The following ZNF91 variants were observed in gnomAD, a reference collection of about 807,000 sequenced individuals.
The protein encoded by ZNF91 is zinc finger protein 91, also known as zinc finger protein 91 (HPF7, HTF10).
In ZNF91, 7 loss-of-function variants were observed where a neutral mutation model predicts 12.6. That is an observed-to-expected ratio of 0.55 (90% CI 0.31 to 1.04). The LOEUF (loss-of-function observed/expected upper bound fraction) is 1.04, where lower values mean the gene tolerates loss of function less well. Among genes scored for constraint, ZNF91 ranks in the 50% least tolerant of loss-of-function variants. The pLI is 0.05. For missense variants in ZNF91, 1,217 were observed against 1,385.4 expected, an observed-to-expected ratio of 0.88 and a Z score of 1.93; for synonymous variants, 453 against 462.6, an observed-to-expected ratio of 0.98 and a Z score of 0.27.
chr19:23,374,875 G>C, intron 1 of ZNF91, 111 bp from the exon 2 acceptor site: 1 of 1,505,124 alleles, frequency 6.6e-7, no homozygotes. Flanking sequence ...ACTTATAAGA[G>C]TGGCTGAAAT....
At chr19:23,328,275 TAA>T (rs1229069735) in intron 1 of ZNF91, 3 of 152,188 alleles carry the variant, frequency 2.0e-5, no homozygotes, top group South Asian at 4.1e-4. Flanking sequence ...AGCTATGAAG[TAA>T]AGTTTGGCCT....
chr19:23,343,254 T>A (rs1202795752), intron 3 of ZNF91, among the ~76,000 whole-genome samples: 2 of 152,196 alleles, frequency 1.3e-5, no homozygotes, highest in Non-Finnish European at 2.9e-5. Context: ...TATATATCAA[T>A]GAGCTGCAGA....
rs1599717768 is a variant in ZNF91 at position 23,359,203 on chromosome 19, G to C, written c.*200C>G. 2.0e-6 allele frequency: 1 copy of C among 496,684 alleles called. No homozygotes were observed. The highest frequency in any genetic ancestry group is 3.7e-6 in the Non-Finnish European group (1 of 272,488). 30.8% of individuals were successfully genotyped at this position (496,684 alleles called of 1,614,324 possible). A position where few individuals can be genotyped will look rare whatever the true frequency, so the allele number is the denominator to read the frequency against. ...TTTGCCACATTCTTTATATTTGTAG[G>C]GTTTCTCTCTAGTATGAATTTTCTT... On this transcript the variant is annotated 3_prime_UTR_variant, in exon 4 of 4. Transcript: ENST00000300619.
At position 23,360,465 on chromosome 19, in the gene ZNF91, G is replaced by C; in HGVS notation, c.2514C>G (p.Ser838=). The C allele has an allele frequency of 6.2e-7, 1 of 1,612,396 alleles. No individual in the cohort carries two copies. The highest frequency in any genetic ancestry group is 8.5e-7 in the Non-Finnish European group (1 of 1,179,630). ...CKECGKAFKH[S]SALAKHKIIH... ...TTATTTTATGTTTAGCAAGGGCTGA[G>C]GAGTGCTTAAAAGCTTTGCCACATT... is the stretch of plus-strand genomic sequence containing the variant. Residue 838 remains serine (S), a synonymous_variant, in exon 4 of 4, where the codon TCC becomes TCG. Coordinates refer to ENST00000300619, the MANE Select transcript of ZNF91 (RefSeq NM_003430.4).
chr19:23,389,994 T>C (rs1015521330), intron 1 of ZNF91, among the ~76,000 whole-genome samples: 1 of 152,158 alleles, frequency 6.6e-6, no homozygotes, highest in Admixed American at 6.6e-5. Flanking sequence ...AGCGGAACAC[T>C]GTAGTCATAT....
intron 3 of ZNF91, among the ~76,000 whole-genome samples, chr19:23,349,318 C>A (rs1462150265): frequency 6.6e-6 from 1 of 152,074 alleles, no homozygotes; most frequent in African/African-American, 2.4e-5. Context: ...GTGATGGCAT[C>A]CCTGGAGGCC....
chr19:23,377,103 C>T (rs1339615312), intron 1 of ZNF91, among the ~76,000 whole-genome samples: 1 of 151,766 alleles, frequency 6.6e-6, no homozygotes, highest in Non-Finnish European at 1.5e-5. Flanking sequence ...CTCAGGTGCC[C>T]TCCCCTGCTA....
chr19:23,364,807 C>T (rs1429832797), intron 3 of ZNF91, among the ~76,000 whole-genome samples: 2 of 151,866 alleles, frequency 1.3e-5, no homozygotes, highest in Non-Finnish European at 2.9e-5. Flanking sequence ...AAAAATACAA[C>T]GATAATATTT....
intron 1 of ZNF91, chr19:23,327,430 C>T (rs1173486547): frequency 7.9e-5 from 12 of 152,030 alleles, no homozygotes; most frequent in South Asian, 6.2e-4. Flanking sequence ...CGAGGTGAAA[C>T]ATTTGAATGG....
chr19:23,330,379 G>A (rs1214395302), intron 1 of ZNF91, among the ~76,000 whole-genome samples: 2 of 151,858 alleles, frequency 1.3e-5, no homozygotes, highest in Admixed American at 1.3e-4. Context: ...CATCTCACAT[G>A]AAAGTCTTAT....
At chr19:23,383,617 G>C (rs1401075380) in intron 1 of ZNF91, among the ~76,000 whole-genome samples, 2 of 151,978 alleles carry the variant, frequency 1.3e-5, no homozygotes, top group African/African-American at 4.8e-5. Flanking sequence ...GAACCCAGAA[G>C]GCAGAGGCTG....
In ZNF91 at chr19:23,361,255, T is replaced by C. The variant is rs1300194823; in HGVS notation, c.1724A>G (p.Lys575Arg). 6.2e-7 allele frequency: 1 copy of C among 1,613,648 alleles called. No homozygotes were observed. Among genetic ancestry groups the C allele is most frequent in the Non-Finnish European group, 8.5e-7 (1 of 1,179,814 alleles). The change falls in exon 4 of 4, where the codon AAA becomes AGA. Residue 575 changes from lysine to arginine, a missense_variant. Physicochemically the swap from Lys to Arg is conservative, Grantham distance 26 (BLOSUM62 2). Transcript: ENST00000300619. ...KIIHAGKKLY[K>R]CEECGKAFNH... ...AAAAGCTTTGCCACATTCTTCACAT[T>C]TGTAGAGTTTCTTTCCAGCATGAAT...
At position 23,374,348 on chromosome 19, in the gene ZNF91, C is replaced by A. The variant is rs370478755; in HGVS notation, c.157+290G>T. On this transcript the variant is annotated intron_variant, in intron 2 of 3. Coordinates refer to ENST00000300619, the MANE Select transcript of ZNF91 (RefSeq NM_003430.4). ...CATGAGGTCAGGAGATCGAGACCAT[C>A]CTGTCTAACACAGTGAAACCCCGTC... Among the ~76,000 whole-genome samples, 6 of 149,554 alleles carry A rather than the reference C, an allele frequency of 4.0e-5. No individual in the cohort carries two copies. In the East Asian group the frequency reaches 6.0e-4, roughly 15 times the overall value.
downstream of ZNF91, among the ~76,000 whole-genome samples, chr19:23,354,101 C>T (rs1968430127): frequency 6.6e-6 from 1 of 152,128 alleles, no homozygotes; most frequent in African/African-American, 2.4e-5. Flanking sequence ...ATGAGGTCAG[C>T]ATCACCCTAA....
chr19:23,359,426 T>C lies in ZNF91; in HGVS notation c.3553A>G (p.Thr1185Ala). Residue 1185 changes from threonine (T) to alanine (A), a missense_variant, in exon 4 of 4, where the codon ACA becomes GCA. By Grantham distance (58) the Thr-to-Ala change is moderately conservative. This residue lies in a region of ZNF91 where 491 missense variants were observed against 489.8 expected (regional missense o/e 1.00). Transcript: ENST00000300619. ...TTTTAGTAGAGAAGGGGTTTCACTG[T>C]GTTAGCCAGGATGGTCTCCATCTCC... ...GQEMETILAN[T>A]VKPLLY The C allele has an allele frequency of 7.7e-7, 1 of 1,294,122 alleles. No homozygotes were observed. Among genetic ancestry groups the C allele is most frequent in the Non-Finnish European group, 1.1e-6 (1 of 903,324 alleles). 80.2% of individuals were successfully genotyped at this position (1,294,122 alleles called of 1,614,324 possible). A position where few individuals can be genotyped will look rare whatever the true frequency, so the allele number is the denominator to read the frequency against.
chr19:23,372,797 C>T (rs973754185), intron 3 of ZNF91, among the ~76,000 whole-genome samples: 4 of 152,156 alleles, frequency 2.6e-5, no homozygotes, highest in African/African-American at 9.7e-5. Context: ...AGTTCATGGC[C>T]GGTTCTGCCT....
intron 3 of ZNF91, among the ~76,000 whole-genome samples, chr19:23,369,743 C>T (rs1215005494): frequency 6.6e-6 from 1 of 151,676 alleles, no homozygotes; most frequent in East Asian, 1.9e-4. Flanking sequence ...GCTGTGTCCA[C>T]TCAGGGTTAA....
At chr19:23,384,005 G>C (rs1342115752) in intron 1 of ZNF91, among the ~76,000 whole-genome samples, 1 of 152,086 alleles carries the variant, frequency 6.6e-6, no homozygotes, top group Admixed American at 6.5e-5. Context: ...AGCTACTCAC[G>C]AGGCTGAGAC....
chr19:23,324,499 C>T (rs1328130294), intron 1 of ZNF91: 1 of 151,006 alleles, frequency 6.6e-6, no homozygotes, highest in Non-Finnish European at 1.5e-5. Flanking sequence ...ACTAATCCGG[C>T]CTAACTCAGG....
Sources: allele counts gnomAD v4.1 joint callset (sites outside exome capture counted in the v4.1 genomes callset), GRCh38; gene constraint gnomAD v4.1.1; regional missense constraint gnomAD v4.1.1; transcripts MANE v1.5; gene names NCBI Gene and HGNC (gene_info 2026-07-23, HGNC 2026-07-21).